NAV1: variants seen among roughly 807,000 people sequenced by gnomAD.
The protein encoded by NAV1 is neuron navigator 1.
In NAV1, 18 loss-of-function variants were observed where a neutral mutation model predicts 175.2. The ratio of observed to expected loss-of-function variants is 0.10; its 90% CI spans 0.07 to 0.15. The LOEUF is 0.15. NAV1 is among the 10% of genes least tolerant of loss of function. The pLI, the probability that NAV1 is intolerant of heterozygous loss-of-function variation, is 1.00. For synonymous variants in NAV1, 897 were observed against 978.7 expected (o/e 0.92, Z 1.56); for missense variants, 1,731 against 2,436.6 (o/e 0.71, Z 6.10).
At chr1:201,779,819 G>A (rs1676202644) in intron 3 of NAV1, among the ~76,000 whole-genome samples, 1 of 152,022 alleles carries the variant, frequency 6.6e-6, no homozygotes, top group South Asian at 2.1e-4. Flanking sequence ...CACAAATTTG[G>A]CCCCTCTACA....
chr1:201,740,450 G>C lies in NAV1; in HGVS notation c.1226+21695G>C, dbSNP rs1673345474. Among the ~76,000 whole-genome samples, 1 of 152,198 alleles carries C rather than the reference G, an allele frequency of 6.6e-6. No homozygotes were observed. On this transcript the variant is annotated intron_variant, in intron 3 of 29. Coordinates refer to ENST00000367296, the Ensembl canonical transcript of NAV1. The surrounding 1 kb of genome is among the most constrained non-coding windows in gnomAD (Gnocchi z 4.7). ...ATGGTTGCGGCTGTGGCGCGTGGGG[G>C]CCCGGCCTGTGAGGGTCGGGGGTCC... is the stretch of plus-strand genomic sequence containing the variant.
intron 2 of NAV1, among the ~76,000 whole-genome samples, chr1:201,594,822 G>C (rs922111930): frequency 6.6e-6 from 1 of 152,194 alleles, no homozygotes; most frequent in East Asian, 1.9e-4. Flanking sequence ...TGTCCAGCAC[G>C]GGAACCTGCT....
At chr1:201,771,005 C>G (rs1571475283) in intron 3 of NAV1, among the ~76,000 whole-genome samples, 2 of 152,146 alleles carry the variant, frequency 1.3e-5, no homozygotes, top group Non-Finnish European at 2.9e-5. Context: ...ATTGAATGCA[C>G]AGAAGTGGCT....
At chr1:201,690,787 G>T (rs970274901) in intron 1 of NAV1, among the ~76,000 whole-genome samples, 7 of 149,584 alleles carry the variant, frequency 4.7e-5, no homozygotes, top group Admixed American at 6.7e-5. Flanking sequence ...TGTTTCCTCC[G>T]TGGCCTGTCC....
At chr1:201,705,311 T>C in intron 1 of NAV1, among the ~76,000 whole-genome samples, 1 of 152,246 alleles carries the variant, frequency 6.6e-6, no homozygotes, top group Non-Finnish European at 1.5e-5. Flanking sequence ...CATGCTCCTC[T>C]CTCTGGCCCC....
chr1:201,562,171 A>ATTTTTTTTTTTTTTTTTTTT (rs566214709), intron 1 of NAV1, among the ~76,000 whole-genome samples: 2 of 127,272 alleles, frequency 1.6e-5, no homozygotes, highest in African/African-American at 6.5e-5. Flanking sequence ...TGCCTGGCTA[A>ATTTTTTTTTTTTTTTTTTTT]TTTTTTTTTT....
chr1:201,661,307 C>T (rs1448982850), intron 1 of NAV1, among the ~76,000 whole-genome samples: 1 of 152,206 alleles, frequency 6.6e-6, no homozygotes, highest in Non-Finnish European at 1.5e-5. Flanking sequence ...GAGTCAGTAT[C>T]TGCCAAGTAC....
At chr1:201,681,763 A>G (rs1670474441) in intron 1 of NAV1, among the ~76,000 whole-genome samples, 1 of 152,194 alleles carries the variant, frequency 6.6e-6, no homozygotes, top group Non-Finnish European at 1.5e-5. Flanking sequence ...ACTTGAGGTC[A>G]GGAGTTTGAG....
intron 3 of NAV1, among the ~76,000 whole-genome samples, chr1:201,736,243 G>A (rs967148076): frequency 6.6e-6 from 1 of 152,126 alleles, no homozygotes; most frequent in Non-Finnish European, 1.5e-5. Flanking sequence ...CCTACCTTGG[G>A]ACCCTAATCC....
intron 1 of NAV1, among the ~76,000 whole-genome samples, chr1:201,682,921 T>G (rs1036422474): frequency 6.6e-6 from 1 of 152,190 alleles, no homozygotes; most frequent in African/African-American, 2.4e-5. Context: ...CACCCCCGTT[T>G]CCCCTGTTGG....
intron 2 of NAV1, among the ~76,000 whole-genome samples, chr1:201,604,631 G>A (rs778396213): frequency 6.7e-6 from 1 of 149,084 alleles, no homozygotes; most frequent in South Asian, 2.1e-4. Flanking sequence ...GCAGTGAGCC[G>A]AGATCGTGCC....
intron 1 of NAV1, among the ~76,000 whole-genome samples, chr1:201,687,034 T>C (rs1670711927): frequency 6.6e-6 from 1 of 152,250 alleles, no homozygotes; most frequent in African/African-American, 2.4e-5. Flanking sequence ...GCCAGCTTCA[T>C]CTTAAATGCT....
In NAV1 at chr1:201,808,267, G is replaced by C. The variant is rs1678435907; in HGVS notation, c.3845+118G>C. On this transcript the variant is annotated intron_variant, in intron 18 of 29. Coordinates refer to ENST00000367296, the Ensembl canonical transcript of NAV1. The surrounding 1 kb of genome is among the most constrained non-coding windows in gnomAD (Gnocchi z 5.5). ...GTACTTATTACTGACCTCTCCCTGG[G>C]CATATGAGACCAACAGATGGACCTT... is the stretch of plus-strand genomic sequence containing the variant. 1 of 1,398,686 alleles carries C rather than the reference G, an allele frequency of 7.1e-7. No individual in the cohort carries two copies. Among genetic ancestry groups the C allele is most frequent in the Non-Finnish European group, 9.8e-7 (1 of 1,021,708 alleles). 86.6% of individuals were successfully genotyped at this position (1,398,686 alleles called of 1,614,324 possible).
chr1:201,752,720 G>A (rs1571457908), intron 3 of NAV1, among the ~76,000 whole-genome samples: 1 of 151,968 alleles, frequency 6.6e-6, no homozygotes, highest in Non-Finnish European at 1.5e-5. Flanking sequence ...ACAGAGAGGC[G>A]AGGTAGGGAA....
chr1:201,685,602 G>T (rs1007100597), intron 1 of NAV1, among the ~76,000 whole-genome samples: 1 of 152,154 alleles, frequency 6.6e-6, no homozygotes, highest in Non-Finnish European at 1.5e-5. Flanking sequence ...ATCCGTTACC[G>T]CCTGTGGCAG....
chr1:201,668,827 C>T (rs535344658), intron 1 of NAV1, among the ~76,000 whole-genome samples: 3 of 152,264 alleles, frequency 2.0e-5, no homozygotes, highest in Admixed American at 1.3e-4. Flanking sequence ...CACCTCACCT[C>T]GCTCCTCTCA....
At chr1:201,605,689 T>C (rs1667654804) in intron 2 of NAV1, among the ~76,000 whole-genome samples, 1 of 152,200 alleles carries the variant, frequency 6.6e-6, no homozygotes. Context: ...TTTTAATAGT[T>C]GCACAAGTAA....
intron 3 of NAV1, chr1:201,719,568 G>C (rs1191131457): frequency 6.5e-6 from 1 of 153,692 alleles, no homozygotes; most frequent in East Asian, 2.0e-4. Flanking sequence ...TGGTCTGGGA[G>C]GATAGAAGAG....
At chr1:201,774,771 T>C (rs1371460918) in intron 3 of NAV1, among the ~76,000 whole-genome samples, 1 of 152,228 alleles carries the variant, frequency 6.6e-6, no homozygotes, top group Non-Finnish European at 1.5e-5. Context: ...ATATTTCACA[T>C]ATTTCACAAC....
Sources: allele counts gnomAD v4.1 joint callset (sites outside exome capture counted in the v4.1 genomes callset), GRCh38; gene constraint gnomAD v4.1.1; non-coding constraint Gnocchi (gnomAD v3.1); transcripts MANE v1.5; gene names NCBI Gene and HGNC (gene_info 2026-07-23, HGNC 2026-07-21).